The following ADRA1A variants were observed in gnomAD, a reference collection of about 807,000 sequenced individuals.
ADRA1A encodes the protein alpha-1A adrenergic receptor.
In ADRA1A, 31 loss-of-function variants were observed where a neutral mutation model predicts 29.6. The observed-to-expected ratio is 1.05, with a 90% CI of 0.79 to 1.41. The LOEUF (loss-of-function observed/expected upper bound fraction) is 1.41, where lower values mean the gene tolerates loss of function less well. Among genes scored for constraint, ADRA1A ranks in the 40% most tolerant of loss-of-function variants. The pLI is 0.00. For missense variants in ADRA1A, 619 were observed against 601.1 expected, an observed-to-expected ratio of 1.03 and a Z score of -0.31; for synonymous variants, 311 against 254.3, an observed-to-expected ratio of 1.22 and a Z score of -2.12.
At chr8:26,818,513 C>A (rs1443817254) in intron 2 of ADRA1A, among the ~76,000 whole-genome samples, 2 of 151,984 alleles carry the variant, frequency 1.3e-5, no homozygotes, top group African/African-American at 2.4e-5. Flanking sequence ...ACCAAACATT[C>A]AAGGAATTGA....
intron 2 of ADRA1A, 135 bp from the exon 3 acceptor site, chr8:26,770,801 A>G (rs13261597): frequency 0.074 from 95,099 of 1,282,406 alleles, 4,952 homozygotes; most frequent in East Asian, 0.28. Context: ...AGTTTCTCAC[A>G]TTTGACTGAC....
intron 2 of ADRA1A, among the ~76,000 whole-genome samples, chr8:26,834,609 G>C (rs1811213762): frequency 6.6e-6 from 1 of 152,118 alleles, no homozygotes; most frequent in Non-Finnish European, 1.5e-5. Flanking sequence ...GCCTTGTAGA[G>C]CACAGCAATC....
Position 26,848,377 on chromosome 8 carries a change from T to C in ADRA1A, c.883+15710A>G, listed in dbSNP as rs1447465344. On this transcript the variant is annotated intron_variant, in intron 2 of 2. Coordinates refer to ENST00000380573, the MANE Select transcript of ADRA1A (RefSeq NM_000680.4). The surrounding 1 kb of genome is among the most constrained non-coding windows in gnomAD (Gnocchi z 4.3). ...CCTTTGGGAGGTGATTAGGACTAGA[T>C]GATGTCACGAGGGTGAACCCTCATA... Among the ~76,000 whole-genome samples, 2 of 152,140 alleles carry C rather than the reference T, an allele frequency of 1.3e-5. No homozygotes were observed. The highest frequency in any genetic ancestry group is 2.9e-5 in the Non-Finnish European group (2 of 68,024).
chr8:26,756,433 T>C (rs961260692), exon 3 of ADRA1A: 67 of 1,392,276 alleles, frequency 4.8e-5, no homozygotes, highest in Non-Finnish European at 5.9e-5. Context: ...CTCAATTAAC[T>C]TTTAAGAATG....
chr8:26,835,013 A>C (rs772938915), intron 2 of ADRA1A, among the ~76,000 whole-genome samples: 30 of 152,252 alleles, frequency 2.0e-4, no homozygotes, highest in Non-Finnish European at 2.5e-4. Flanking sequence ...GAAATTAAAA[A>C]GAAAGCCAAT....
chr8:26,825,242 G>A lies in ADRA1A; in HGVS notation c.883+38845C>T, dbSNP rs915818979. On this transcript the variant is annotated intron_variant, in intron 2 of 2. Coordinates refer to ENST00000380573, the MANE Select transcript of ADRA1A (RefSeq NM_000680.4). This position sits in a 1 kb window ranked among gnomAD's most constrained non-coding sequence, Gnocchi z 5.7. ...ACAGTTCCTTCTTTAGGGAATGGGG[G>A]TCATAGAGATATCTTCACTCTCTAG... Among the ~76,000 whole-genome samples, 1 of 152,136 alleles carries A rather than the reference G, an allele frequency of 6.6e-6. No individual in the cohort carries two copies. The highest frequency in any genetic ancestry group is 1.5e-5 in the Non-Finnish European group (1 of 68,046).
chr8:26,854,427 G>GGGGGGC (rs1812862922), intron 2 of ADRA1A: 1 of 116,990 alleles, frequency 8.5e-6, no homozygotes, highest in Non-Finnish European at 1.8e-5. Flanking sequence ...GCGGGGCGGG[G>GGGGGGC]GGGGGGAGCA....
At chr8:26,756,427 A>G (rs1805170911) in exon 3 of ADRA1A, 1 of 1,379,074 alleles carries the variant, frequency 7.3e-7, no homozygotes, top group Non-Finnish European at 9.4e-7. Context: ...ATGATTCTCA[A>G]TTAACTTTTA....
At chr8:26,756,654 C>A in exon 3 of ADRA1A, 1 of 1,604,192 alleles carries the variant, frequency 6.2e-7, no homozygotes, top group Non-Finnish European at 8.5e-7. Flanking sequence ...GGCTCCTGGG[C>A]TCCTGGGGTG....
At chr8:26,748,760 A>G (rs1315838374) in intron 2 of ADRA1A, 7 of 413,022 alleles carry the variant, frequency 1.7e-5, no homozygotes, top group Non-Finnish European at 2.8e-5. Flanking sequence ...TAAAAAAAAA[A>G]AAAAAAAAAA....
Position 26,806,649 on chromosome 8 carries a change from C to T in ADRA1A, c.884-35983G>A, listed in dbSNP as rs1017415961. On this transcript the variant is annotated intron_variant, in intron 2 of 2. Coordinates refer to ENST00000380573, the MANE Select transcript of ADRA1A (RefSeq NM_000680.4). The surrounding 1 kb of genome is among the most constrained non-coding windows in gnomAD (Gnocchi z 4.6). ...GCCTATAGCTTAGAATGGAACCTCT[C>T]TAATCGCCAGAGAGTCCGAGGTTTC... 1.3e-5 allele frequency among the ~76,000 whole-genome samples: 2 copies of T among 152,170 alleles called. No individual in the cohort carries two copies. Among genetic ancestry groups the T allele is most frequent in the African/African-American group, 2.4e-5 (1 of 41,440 alleles).
At chr8:26,862,805 C>T (rs1813582481) in intron 2 of ADRA1A, among the ~76,000 whole-genome samples, 1 of 152,162 alleles carries the variant, frequency 6.6e-6, no homozygotes, top group South Asian at 2.1e-4. Flanking sequence ...GAGATGTGGT[C>T]AGTGGGACTG....
intron 2 of ADRA1A, among the ~76,000 whole-genome samples, chr8:26,781,571 A>C (rs1806985774): frequency 6.6e-6 from 1 of 152,226 alleles, no homozygotes; most frequent in Admixed American, 6.5e-5. Flanking sequence ...TCTTCAAGAC[A>C]CTCACATTTA....
chr8:26,770,334 C>A lies in ADRA1A; in HGVS notation c.1216G>T (p.Gly406Ter). 1 of 1,614,176 alleles carries A rather than the reference C, an allele frequency of 6.2e-7. No homozygotes were observed. Among genetic ancestry groups the A allele is most frequent in the Non-Finnish European group, 8.5e-7 (1 of 1,180,024 alleles). The change falls in exon 3 of 3, where the codon GGA becomes TGA. Residue 406 changes from glycine to a stop codon, truncating the protein, a stop_gained. Transcript: ENST00000380573. LOFTEE classifies it high-confidence loss of function. ...TTGGACACTGTAATCCTGGCAGATC[C>A]ACGGGGCATGGAAGAGAAAAATTTC... ...EWKFFSSMPR[G>*]SARITVSKDQ...
intron 2 of ADRA1A, among the ~76,000 whole-genome samples, chr8:26,837,021 C>T (rs919359348): frequency 1.3e-5 from 2 of 152,122 alleles, no homozygotes; most frequent in Non-Finnish European, 2.9e-5. Context: ...CTCAGCTTTG[C>T]CACTTCCTAA....
intron 2 of ADRA1A, among the ~76,000 whole-genome samples, chr8:26,845,481 G>A (rs561961417): frequency 1.1e-4 from 16 of 152,324 alleles, no homozygotes; most frequent in Middle Eastern, 3.4e-3. Flanking sequence ...AACATTGCTG[G>A]TGGGTATGTA....
At chr8:26,836,991 C>G (rs1191489796) in intron 2 of ADRA1A, among the ~76,000 whole-genome samples, 1 of 152,098 alleles carries the variant, frequency 6.6e-6, no homozygotes, top group Non-Finnish European at 1.5e-5. Flanking sequence ...GTTCCAGAAT[C>G]CAAGGGTTTT....
At chr8:26,814,119 T>C (rs1376360700) in intron 2 of ADRA1A, among the ~76,000 whole-genome samples, 1 of 152,076 alleles carries the variant, frequency 6.6e-6, no homozygotes, top group Non-Finnish European at 1.5e-5. Flanking sequence ...AAAAAGAGGG[T>C]GCTTATTTAT....
At chr8:26,752,433 G>A (rs1804961434), downstream of ADRA1A, among the ~76,000 whole-genome samples, 1 of 152,166 alleles carries the variant, frequency 6.6e-6, no homozygotes, top group African/African-American at 2.4e-5. Flanking sequence ...CAAAGAAAAG[G>A]GAAGGGAAAA....
Sources: allele counts gnomAD v4.1 joint callset (sites outside exome capture counted in the v4.1 genomes callset), GRCh38; gene constraint gnomAD v4.1.1; non-coding constraint Gnocchi (gnomAD v3.1); transcripts MANE v1.5; gene names NCBI Gene and HGNC (gene_info 2026-07-23, HGNC 2026-07-21).